Variants in PTPRD observed in about 807,000 individuals in gnomAD.
The protein encoded by PTPRD is protein tyrosine phosphatase receptor type D, also known as receptor-type tyrosine-protein phosphatase delta.
In PTPRD, 34 loss-of-function variants were observed where a neutral mutation model predicts 214.5. The ratio of observed to expected loss-of-function variants is 0.16; its 90% confidence interval spans 0.12 to 0.21. PTPRD has a LOEUF of 0.21. Ranked by LOEUF, PTPRD falls within the 10% of genes least tolerant of loss-of-function variation. PTPRD has a pLI of 1.00. For synonymous variants in PTPRD, 1,128 were observed against 845.7 expected (o/e 1.33, Z -5.79); for missense variants, 2,545 against 2,398.7 (o/e 1.06, Z -1.27).
At chr9:8,418,626 A>C (rs2094129818) in intron 35 of PTPRD, among the ~76,000 whole-genome samples, 2 of 151,334 alleles carry the variant, frequency 1.3e-5, no homozygotes, top group Admixed American at 1.3e-4. Flanking sequence ...AAAGTCTTTC[A>C]AGGTTGGGAA....
intron 2 of PTPRD, among the ~76,000 whole-genome samples, chr9:10,449,810 T>G (rs992616402): frequency 2.3e-4 from 35 of 151,230 alleles, no homozygotes; most frequent in Non-Finnish European, 4.4e-4. Flanking sequence ...AAGGGGGAAA[T>G]GTGGGGAAAA....
At position 8,678,781 on chromosome 9, in the gene PTPRD, A is replaced by G. The variant is rs188454092; in HGVS notation, c.65-41937T>C. Among the ~76,000 whole-genome samples, 5 of 152,316 alleles carry G rather than the reference A, an allele frequency of 3.3e-5. No individual in the cohort carries two copies. In the East Asian group the frequency reaches 9.7e-4, roughly 29 times the overall value. ...ATATTTTTGGCCACAGATACATAAA[A>G]ACACAGAACACATTTATATCCAGTC... On this transcript the variant is annotated intron_variant, in intron 12 of 45. Coordinates refer to ENST00000381196, the MANE Select transcript of PTPRD (RefSeq NM_002839.4).
In PTPRD at chr9:8,316,064, G is replaced by A. The variant is rs182834110; in HGVS notation, c.*1810C>T. The stretch of plus-strand genomic sequence containing the variant: ...GTGCAGTTACTGCATGTTCCAGAGC[G>A]GATTTGGAAGGGAATATAAATAAAA... On this transcript the variant is annotated 3_prime_UTR_variant, in exon 46 of 46. Transcript: ENST00000381196. The A allele has an allele frequency of 1.8e-4, 42 of 229,034 alleles. No individual in the cohort carries two copies. The highest frequency in any genetic ancestry group is 5.8e-4 in the African/African-American group (26 of 45,148). The allele number at this position is 229,034 out of a possible 1,614,324, so 14.2% of individuals were successfully genotyped here. A position where few individuals can be genotyped will look rare whatever the true frequency, so the allele number is the denominator to read the frequency against.
At chr9:8,411,240 G>C (rs1317421845) in intron 35 of PTPRD, among the ~76,000 whole-genome samples, 1 of 151,876 alleles carries the variant, frequency 6.6e-6, no homozygotes, top group African/African-American at 2.4e-5. Flanking sequence ...ACAACTTTAA[G>C]ATTAAAGATT....
rs138290440 is a variant in PTPRD at position 9,405,770 on chromosome 9, C to A, written c.-236-8288G>T. Among the ~76,000 whole-genome samples the A allele has an allele frequency of 1.1e-4, 17 of 152,028 alleles. No homozygotes were observed. In the East Asian group the frequency reaches 3.3e-3, roughly 29 times the overall value. On this transcript the variant is annotated intron_variant, in intron 8 of 45. Coordinates refer to ENST00000381196, the MANE Select transcript of PTPRD (RefSeq NM_002839.4). The stretch of plus-strand genomic sequence containing the variant: ...ACAGTTTAACAAAATGTATTTTCCC[C>A]CATTATCATCATTGTTTCCATCTAA...
intron 9 of PTPRD, among the ~76,000 whole-genome samples, chr9:9,394,336 A>G (rs1326961781): frequency 1.3e-5 from 2 of 152,124 alleles, no homozygotes; most frequent in Non-Finnish European, 1.5e-5. Context: ...AAGATATTTT[A>G]TTGCCTTTAG....
chr9:9,340,015 A>G (rs1350697280), intron 9 of PTPRD, among the ~76,000 whole-genome samples: 3 of 152,182 alleles, frequency 2.0e-5, no homozygotes, highest in Non-Finnish European at 2.9e-5. Context: ...ATTTCAAGAT[A>G]GGAGTGACTG....
intron 14 of PTPRD, among the ~76,000 whole-genome samples, chr9:8,632,474 C>CAACAA (rs1404375398): frequency 6.6e-6 from 1 of 151,536 alleles, no homozygotes; most frequent in African/African-American, 2.4e-5. Context: ...GAGGAAAATA[C>CAACAA]AACAAAACAA....
At chr9:9,522,920 G>C (rs1390271419) in intron 8 of PTPRD, among the ~76,000 whole-genome samples, 1 of 152,102 alleles carries the variant, frequency 6.6e-6, no homozygotes, top group Non-Finnish European at 1.5e-5. Context: ...CAGCTGCTTT[G>C]CACAGAAGAT....
At chr9:9,511,852 C>T (rs907083345) in intron 8 of PTPRD, among the ~76,000 whole-genome samples, 7 of 151,818 alleles carry the variant, frequency 4.6e-5, no homozygotes, top group African/African-American at 1.7e-4. Context: ...CAAAGTTAAA[C>T]TATTTCCAAA....
chr9:9,643,691 T>C (rs952809168), intron 7 of PTPRD, among the ~76,000 whole-genome samples: 1 of 152,188 alleles, frequency 6.6e-6, no homozygotes, highest in African/African-American at 2.4e-5. Context: ...AAAGCCCTGC[T>C]TCCTTTGTCT....
At chr9:9,459,228 C>G (rs11531684) in intron 8 of PTPRD, among the ~76,000 whole-genome samples, 75,533 of 151,748 alleles carry the variant, frequency 0.5, 19,106 homozygotes, top group East Asian at 0.67. Context: ...CTATCAACAA[C>G]CAAGGAACCC....
intron 5 of PTPRD, among the ~76,000 whole-genome samples, chr9:9,792,428 T>C (rs73641351): frequency 1.2e-3 from 189 of 152,294 alleles, no homozygotes; most frequent in African/African-American, 3.7e-3. Context: ...TTAAGACTTA[T>C]AGCACTCTTT....
chr9:8,844,280 A>G (rs1444059003), intron 11 of PTPRD, among the ~76,000 whole-genome samples: 2 of 152,212 alleles, frequency 1.3e-5, no homozygotes, highest in Non-Finnish European at 2.9e-5. Flanking sequence ...TTATTACTGT[A>G]AAGCCCTACC....
intron 9 of PTPRD, among the ~76,000 whole-genome samples, chr9:9,268,629 G>A (rs978890560): frequency 6.6e-6 from 1 of 150,884 alleles, no homozygotes; most frequent in African/African-American, 2.4e-5. Context: ...AAAACCTATA[G>A]CAATCAAAGC....
chr9:9,168,257 A>G (rs2099907969), intron 10 of PTPRD, among the ~76,000 whole-genome samples: 1 of 152,216 alleles, frequency 6.6e-6, no homozygotes, highest in African/African-American at 2.4e-5. Flanking sequence ...TCTTCTAGAC[A>G]GTTTAGATTG....
Position 10,142,006 on chromosome 9 carries a change from C to A in PTPRD, c.-544-108216G>T, listed in dbSNP as rs1391911136. Among the ~76,000 whole-genome samples the A allele has an allele frequency of 3.9e-4, 59 of 151,372 alleles. No homozygotes were observed. The East Asian group carries it at 7.2e-3, about 19-fold the overall frequency. ...CTATCTGATCTTTGACAAACCTGAC[C>A]AAAACAAGCAATGGGGAAAGGATTC... On this transcript the variant is annotated intron_variant, in intron 3 of 45. Transcript: ENST00000381196.
At chr9:9,186,631 C>CCTCTCTCTCT (rs141616035) in intron 9 of PTPRD, among the ~76,000 whole-genome samples, 13 of 140,962 alleles carry the variant, frequency 9.2e-5, no homozygotes, top group African/African-American at 3.2e-4. Context: ...TCTGTCTCTC[C>CCTCTCTCTCT]CTCTCTCTCT....
intron 4 of PTPRD, among the ~76,000 whole-genome samples, chr9:9,950,083 C>T (rs984355935): frequency 1.3e-5 from 2 of 152,168 alleles, no homozygotes; most frequent in East Asian, 1.9e-4. Flanking sequence ...GACACATTTC[C>T]TGTATCACGT....
Sources: gnomAD v4.1 joint callset for allele counts (sites outside exome capture counted in the v4.1 genomes callset) on GRCh38, gnomAD v4.1.1 for gene constraint, MANE v1.5 for transcripts, NCBI Gene and HGNC (gene_info 2026-07-23, HGNC 2026-07-21) for gene names.